CHD9: variants seen among roughly 807,000 people sequenced by gnomAD.
CHD9 encodes the protein chromodomain helicase DNA binding protein 9.
In CHD9, 77 loss-of-function variants were observed where a neutral mutation model predicts 316.1. The observed-to-expected ratio is 0.24, with a 90% CI of 0.20 to 0.29. The LOEUF (loss-of-function observed/expected upper bound fraction) is 0.29, where lower values mean the gene tolerates loss of function less well. Among genes scored for constraint, CHD9 ranks in the 10% least tolerant of loss-of-function variants. The pLI is 1.00. For missense variants in CHD9, 2,763 were observed against 3,438.1 expected, an observed-to-expected ratio of 0.80 and a Z score of 4.91; for synonymous variants, 1,129 against 1,158.3, an observed-to-expected ratio of 0.97 and a Z score of 0.51.
intron 1 of CHD9, among the ~76,000 whole-genome samples, chr16:53,081,693 T>C (rs2035029833): frequency 6.6e-6 from 1 of 152,058 alleles, no homozygotes; most frequent in South Asian, 2.1e-4. Flanking sequence ...GCTCAAGCAA[T>C]CCTCTTACCT....
At position 53,324,459 on chromosome 16, in the gene CHD9, A is replaced by G; in HGVS notation, c.8258A>G (p.Lys2753Arg). 1 of 1,614,028 alleles carries G rather than the reference A, an allele frequency of 6.2e-7. No individual in the cohort carries two copies. The highest frequency in any genetic ancestry group is 1.1e-5 in the South Asian group (1 of 91,084). ...KGSDSKESEG[K>R]TERTESQSSE... is the part of the protein sequence containing the mutation. ...AGTGACTCTAAGGAGTCAGAAGGAA[A>G]AACAGAAAGGACAGAGAGCCAAAGT... The change falls in exon 39 of 39, where the codon AAA (lysine) becomes AGA (arginine). Residue 2753 changes from lysine to arginine, a missense_variant. Transcript: ENST00000447540.
At chr16:53,084,866 T>C (rs183039321) in intron 1 of CHD9, among the ~76,000 whole-genome samples, 10 of 152,330 alleles carry the variant, frequency 6.6e-5, no homozygotes, top group African/African-American at 2.2e-4. Context: ...TATGCCTTCA[T>C]CTGACCTCCT....
chr16:53,220,996 T>C (rs950536860), intron 3 of CHD9, among the ~76,000 whole-genome samples: 17 of 152,234 alleles, frequency 1.1e-4, no homozygotes, highest in African/African-American at 4.1e-4. Context: ...TGTGTTCACA[T>C]TGCATCCTGT....
At chr16:53,222,132 A>G (rs2047293990) in intron 3 of CHD9, among the ~76,000 whole-genome samples, 2 of 151,972 alleles carry the variant, frequency 1.3e-5, no homozygotes, top group African/African-American at 4.8e-5. Context: ...GCTGGAGTGC[A>G]ATGGTGCGGT....
intron 1 of CHD9, among the ~76,000 whole-genome samples, chr16:53,100,453 C>CTT (rs61450186): frequency 2.3e-5 from 3 of 129,634 alleles, no homozygotes; most frequent in East Asian, 2.2e-4. Context: ...ACTCATTCGT[C>CTT]TTTTTTTTTT....
chr16:53,218,581 CA>C (rs2152896429), intron 3 of CHD9, among the ~76,000 whole-genome samples: 1 of 152,028 alleles, frequency 6.6e-6, no homozygotes, highest in East Asian at 1.9e-4. Flanking sequence ...ATAGCGGAAC[CA>C]GTTCATAGTC....
chr16:53,273,870 G>A, intron 23 of CHD9, 85 bp downstream of exon 23: 4 of 1,269,976 alleles, frequency 3.1e-6, no homozygotes, highest in Non-Finnish European at 4.4e-6. Flanking sequence ...CTGATTTTGA[G>A]TACAGAGACA....
chr16:53,120,294 A>G (rs2038642828), intron 1 of CHD9, among the ~76,000 whole-genome samples: 1 of 152,180 alleles, frequency 6.6e-6, no homozygotes, highest in African/African-American at 2.4e-5. Context: ...TCTTCTGGAA[A>G]TAAAATGCCT....
chr16:53,306,092 A>G (rs182708562), intron 31 of CHD9, 145 bp from the exon 32 acceptor site: 137 of 468,770 alleles, frequency 2.9e-4, no homozygotes, highest in African/African-American at 2.5e-3. Flanking sequence ...TTTATATTCT[A>G]GGTGATTTTT....
intron 1 of CHD9, among the ~76,000 whole-genome samples, chr16:53,068,463 C>G (rs189193627): frequency 7.8e-4 from 119 of 152,274 alleles, no homozygotes; most frequent in African/African-American, 2.7e-3. Context: ...TTCAGCTAAA[C>G]ACAGGGCCCG....
At chr16:53,314,272 G>T in intron 34 of CHD9, 105 bp from the exon 35 acceptor site, 1 of 735,290 alleles carries the variant, frequency 1.4e-6, no homozygotes, top group Non-Finnish European at 2.1e-6. Context: ...CATTAAAGAT[G>T]TATAAAATAA....
chr16:53,120,089 T>C (rs1027069036), intron 1 of CHD9, among the ~76,000 whole-genome samples: 7 of 151,434 alleles, frequency 4.6e-5, no homozygotes, highest in African/African-American at 1.7e-4. Context: ...AAAAATTAGC[T>C]GGTCATGGTG....
At chr16:53,267,219 A>G (rs1313363228) in intron 20 of CHD9, 75 bp from the exon 21 acceptor site, 2 of 885,048 alleles carry the variant, frequency 2.3e-6, no homozygotes, top group East Asian at 5.7e-5. Context: ...TTGTTTGTAT[A>G]AGGTAAAAAT....
intron 37 of CHD9, 95 bp downstream of exon 37, chr16:53,318,435 G>C (rs2057038184): frequency 4.2e-6 from 4 of 952,282 alleles, no homozygotes; most frequent in Non-Finnish European, 6.0e-6. Flanking sequence ...TTTTCTAACA[G>C]ACCTGGAAAT....
rs537791149 is a variant in CHD9, at chr16:53,290,866, A to G, written c.5248-859A>G. Among the ~76,000 whole-genome samples the G allele has an allele frequency of 2.0e-5, 3 of 152,358 alleles. No homozygotes were observed. The East Asian group carries it at 5.8e-4, about 29-fold the overall frequency. ...ACCACAGTGGAATATGTATTAAAAAATTTAGAAACAAGGAGGATAGCATGA... is the reference window on the plus strand; with the variant it reads ...ACCACAGTGGAATATGTATTAAAAAGTTTAGAAACAAGGAGGATAGCATGA... On this transcript the variant is annotated intron_variant, in intron 27 of 38. Coordinates refer to ENST00000447540, the MANE Select transcript of CHD9 (RefSeq NM_001308319.2).
At chr16:53,223,047 T>A (rs1161749650) in intron 4 of CHD9, among the ~76,000 whole-genome samples, 1 of 152,200 alleles carries the variant, frequency 6.6e-6, no homozygotes, top group Non-Finnish European at 1.5e-5. Flanking sequence ...TGGAGGAGTA[T>A]TTAGTGATAC....
intron 24 of CHD9, 52 bp from the exon 25 acceptor site, chr16:53,285,543 CT>C: frequency 3.3e-6 from 4 of 1,215,488 alleles, no homozygotes; most frequent in East Asian, 5.2e-5. Flanking sequence ...ATTTTGCCTC[CT>C]TTTTGACTCA....
At chr16:53,188,315 T>C (rs900738876) in intron 2 of CHD9, among the ~76,000 whole-genome samples, 1 of 152,188 alleles carries the variant, frequency 6.6e-6, no homozygotes, top group Non-Finnish European at 1.5e-5. Context: ...GGCTTTCTTT[T>C]CTCTTGCATA....
chr16:53,255,511 T>C (rs2050514736), intron 18 of CHD9, 89 bp from the exon 19 acceptor site: 1 of 1,175,872 alleles, frequency 8.5e-7, no homozygotes, highest in African/African-American at 1.5e-5. Flanking sequence ...TAAGCATGCC[T>C]CTTGTGTTCT....
Sources: gnomAD v4.1 joint callset for allele counts (sites outside exome capture counted in the v4.1 genomes callset) on GRCh38, gnomAD v4.1.1 for gene constraint, MANE v1.5 for transcripts, NCBI Gene and HGNC (gene_info 2026-07-23, HGNC 2026-07-21) for gene names.